The following MAP3K3 variants were observed in gnomAD, a reference collection of about 807,000 sequenced individuals.
The protein encoded by MAP3K3 is mitogen-activated protein kinase kinase kinase 3.
MAP3K3 carries 12 observed loss-of-function variants against 80.9 expected under a neutral mutation model. The observed-to-expected ratio is 0.15, with a 90% CI of 0.10 to 0.24. The LOEUF (loss-of-function observed/expected upper bound fraction) is 0.24. Ranked by LOEUF, MAP3K3 falls within the 10% of genes least tolerant of loss-of-function variation. MAP3K3 has a pLI of 1.00. For synonymous variants in MAP3K3, 272 were observed against 307.1 expected, an observed-to-expected ratio of 0.89 and a Z score of 1.19; for missense variants, 596 against 834.7, an observed-to-expected ratio of 0.71 and a Z score of 3.52.
At chr17:63,622,863 G>C in intron 1 of MAP3K3, 100 bp downstream of exon 1, 1 of 265,386 alleles carries the variant, frequency 3.8e-6, no homozygotes. Flanking sequence ...GACAGGCATG[G>C]ACAGCCCGCC....
chr17:63,687,915 CAGAGCG>C (rs1254924937), intron 8 of MAP3K3, among the ~76,000 whole-genome samples: 7 of 151,416 alleles, frequency 4.6e-5, no homozygotes, highest in Non-Finnish European at 7.4e-5. Flanking sequence ...AGCCCGGCAG[CAGAGCG>C]AGACTCCATC....
At chr17:63,688,736 A>T in intron 9 of MAP3K3, 53 bp from the exon 10 acceptor site, 1 of 1,440,566 alleles carries the variant, frequency 6.9e-7, no homozygotes, top group Non-Finnish European at 9.8e-7. Flanking sequence ...TTGGGGGCTT[A>T]AGTGGCTCAC....
intron 5 of MAP3K3, among the ~76,000 whole-genome samples, chr17:63,665,301 G>C (rs557503852): frequency 7.6e-4 from 116 of 151,826 alleles, no homozygotes; most frequent in Non-Finnish European, 1.1e-3. Flanking sequence ...GAGTAGCTGG[G>C]ACTACAGGTG....
Position 63,691,114 on chromosome 17 carries a change from C to G in MAP3K3, c.1225C>G (p.Leu409Val). The change falls in exon 13 of 16, where the codon CTG (leucine) becomes GTG (valine). Residue 409 changes from leucine (L) to valine (V), a missense_variant. Coordinates refer to ENST00000361733, the MANE Select transcript of MAP3K3 (RefSeq NM_002401.5). This position sits in a 1 kb window ranked among gnomAD's most constrained non-coding sequence, Gnocchi z 4.8. ...SPETSKEVSA[L>V]ECEIQLLKNL... ...ACCCCTCCCCTAGGAGGTGAGTGCT[C>G]TGGAGTGCGAGATCCAGTTGCTAAA... 1 of 1,614,150 alleles carries G rather than the reference C, an allele frequency of 6.2e-7. No homozygotes were observed. The highest frequency in any genetic ancestry group is 8.5e-7 in the Non-Finnish European group (1 of 1,180,022).
At chr17:63,661,764 A>G (rs1471934515) in intron 5 of MAP3K3, among the ~76,000 whole-genome samples, 1 of 152,238 alleles carries the variant, frequency 6.6e-6, no homozygotes, top group African/African-American at 2.4e-5. Context: ...GCAGGAAGAT[A>G]AAACAAACCT....
intron 1 of MAP3K3, among the ~76,000 whole-genome samples, chr17:63,625,960 T>C (rs8073373): frequency 0.38 from 57,708 of 151,838 alleles, 14,329 homozygotes; most frequent in African/African-American, 0.71. Flanking sequence ...ATAGTCCCAG[T>C]TACCCAGGAG....
chr17:63,625,822 A>G (rs1483879757), intron 1 of MAP3K3, among the ~76,000 whole-genome samples: 4 of 152,238 alleles, frequency 2.6e-5, no homozygotes, highest in Non-Finnish European at 5.9e-5. Context: ...CTATAATCCC[A>G]GCACTTTGGG....
chr17:63,679,956 G>A (rs1180099047), intron 6 of MAP3K3, among the ~76,000 whole-genome samples: 2 of 152,206 alleles, frequency 1.3e-5, no homozygotes, highest in South Asian at 2.1e-4. Context: ...TAGCTGAAGG[G>A]GGAGGATTGC....
intron 8 of MAP3K3, among the ~76,000 whole-genome samples, chr17:63,687,434 C>T (rs1391646112): frequency 6.6e-6 from 1 of 151,224 alleles, no homozygotes; most frequent in Admixed American, 6.6e-5. Context: ...ATTGCTTGAA[C>T]CCAGGAGGCG....
Position 63,622,580 on chromosome 17 carries a change from C to T in MAP3K3, c.-180C>T, listed in dbSNP as rs2034007512. 3.9e-5 allele frequency: 6 copies of T among 155,480 alleles called. No homozygotes were observed. In the South Asian group the frequency reaches 1.1e-3, roughly 29 times the overall value. 9.6% of individuals were successfully genotyped at this position (155,480 alleles called of 1,614,324 possible). On this transcript the variant is annotated 5_prime_UTR_variant, in exon 1 of 16. Transcript: ENST00000361733. ...GGCCACCCTGCCGATGCCACAGCGC[C>T]CGGCCGCGGGCGGAGCCGGAGCCGG...
Position 63,652,538 on chromosome 17 carries a change from T to G in MAP3K3, c.168-19T>G. ...TTTAAGTATACAATTAACCAACCTT[T>G]CTTTCTGTTTCTTTTCAGAATTATA... On this transcript the variant is annotated intron_variant, in intron 3 of 15. Coordinates refer to ENST00000361733, the MANE Select transcript of MAP3K3 (RefSeq NM_002401.5). 6.4e-7 allele frequency: 1 copy of G among 1,572,998 alleles called. No homozygotes were observed. Among genetic ancestry groups the G allele is most frequent in the Non-Finnish European group, 8.8e-7 (1 of 1,142,704 alleles).
intron 1 of MAP3K3, among the ~76,000 whole-genome samples, chr17:63,629,349 T>C (rs1302579203): frequency 6.6e-6 from 1 of 152,168 alleles, no homozygotes; most frequent in Non-Finnish European, 1.5e-5. Flanking sequence ...GGTTTCGAAC[T>C]CCTGACCTCA....
chr17:63,663,701 G>C (rs944247903), intron 5 of MAP3K3, among the ~76,000 whole-genome samples: 2 of 152,040 alleles, frequency 1.3e-5, no homozygotes, highest in African/African-American at 4.8e-5. Flanking sequence ...TGATAAACCA[G>C]CCTGGGTAAC....
At chr17:63,650,587 G>A (rs567737737) in intron 3 of MAP3K3, among the ~76,000 whole-genome samples, 4 of 151,542 alleles carry the variant, frequency 2.6e-5, no homozygotes, top group Admixed American at 6.6e-5. Flanking sequence ...ACAGGCATGA[G>A]CCATCTTGCC....
chr17:63,634,350 T>A (rs2034277706), intron 2 of MAP3K3, among the ~76,000 whole-genome samples: 1 of 152,098 alleles, frequency 6.6e-6, no homozygotes, highest in Non-Finnish European at 1.5e-5. Flanking sequence ...TGAATATCAG[T>A]TAGTGGGTGA....
At chr17:63,639,538 G>T in intron 2 of MAP3K3, among the ~76,000 whole-genome samples, 1 of 152,256 alleles carries the variant, frequency 6.6e-6, no homozygotes, top group East Asian at 1.9e-4. Context: ...AAGGAACATG[G>T]TGAAAAAGGT....
chr17:63,644,885 CT>C (rs2034511420), intron 2 of MAP3K3, among the ~76,000 whole-genome samples: 1 of 152,118 alleles, frequency 6.6e-6, no homozygotes, highest in Non-Finnish European at 1.5e-5. Flanking sequence ...TCATTCTCTC[CT>C]TTATCTCTAT....
intron 1 of MAP3K3, among the ~76,000 whole-genome samples, chr17:63,629,155 G>A (rs1022786626): frequency 6.6e-6 from 1 of 151,100 alleles, no homozygotes; most frequent in Non-Finnish European, 1.5e-5. Context: ...ATGGAGTCTC[G>A]CCCTGTCGCC....
intron 2 of MAP3K3, among the ~76,000 whole-genome samples, chr17:63,640,417 G>A (rs2034416267): frequency 6.6e-6 from 1 of 152,166 alleles, no homozygotes; most frequent in African/African-American, 2.4e-5. Context: ...GTATGTGTAT[G>A]TGTGTACGTT....
Sources: gnomAD v4.1 joint callset for allele counts (sites outside exome capture counted in the v4.1 genomes callset) on GRCh38, gnomAD v4.1.1 for gene constraint, Gnocchi (gnomAD v3.1) non-coding constraint, MANE v1.5 for transcripts, NCBI Gene and HGNC (gene_info 2026-07-23, HGNC 2026-07-21) for gene names.